The following RAD51B variants were observed in gnomAD, a reference collection of about 807,000 sequenced individuals.
RAD51B encodes DNA repair protein RAD51 homolog 2.
In RAD51B, 38 loss-of-function variants were observed where a neutral mutation model predicts 42.2. The observed-to-expected ratio is 0.90, with a 90% CI of 0.70 to 1.18. The LOEUF (loss-of-function observed/expected upper bound fraction) is 1.18, where lower values mean the gene tolerates loss of function less well. Among genes scored for constraint, RAD51B ranks in the 50% most tolerant of loss-of-function variants. RAD51B has a pLI of 0.00. For missense variants in RAD51B, 373 were observed against 400.7 expected, an observed-to-expected ratio of 0.93 and a Z score of 0.59; for synonymous variants, 154 against 145.2, an observed-to-expected ratio of 1.06 and a Z score of -0.43.
rs1489695279 is a variant in RAD51B at position 68,078,023 on chromosome 14, G to A, written c.756+190819G>A. Among the ~76,000 whole-genome samples, 3 of 152,300 alleles carry A rather than the reference G, an allele frequency of 2.0e-5. No homozygotes were observed. In the East Asian group the frequency reaches 5.8e-4, roughly 29 times the overall value. ...ATAAGGTGGAAGGTAAACATTTTAA[G>A]TGTCTGTGAGCTACCTAGTATTCTA... On this transcript the variant is annotated intron_variant, in intron 7 of 10. Coordinates refer to ENST00000471583, the MANE Select transcript of RAD51B (RefSeq NM_133510.4).
At chr14:68,553,542 A>G (rs2140387989) in intron 10 of RAD51B, among the ~76,000 whole-genome samples, 1 of 152,012 alleles carries the variant, frequency 6.6e-6, no homozygotes, top group African/African-American at 2.4e-5. Flanking sequence ...GGGAGGGTGG[A>G]GTTGGTTTGG....
chr14:68,431,549 A>C (rs1161900095), intron 9 of RAD51B, among the ~76,000 whole-genome samples: 1 of 152,146 alleles, frequency 6.6e-6, no homozygotes, highest in Non-Finnish European at 1.5e-5. Context: ...AGAGGTGTTT[A>C]TAGTATTCTC....
chr14:68,155,802 T>C (rs1566688436), intron 7 of RAD51B, among the ~76,000 whole-genome samples: 1 of 152,214 alleles, frequency 6.6e-6, no homozygotes, highest in Admixed American at 6.5e-5. Flanking sequence ...GGATGCAATA[T>C]ACAAAGGTTT....
At chr14:67,900,626 C>CAT (rs2043579935) in intron 7 of RAD51B, among the ~76,000 whole-genome samples, 2 of 114,298 alleles carry the variant, frequency 1.7e-5, no homozygotes, top group Non-Finnish European at 3.6e-5. Context: ...GTGTGTGTGT[C>CAT]ATACACACAC....
chr14:68,444,985 G>T (rs2085389882), intron 9 of RAD51B, among the ~76,000 whole-genome samples: 1 of 152,184 alleles, frequency 6.6e-6, no homozygotes, highest in Admixed American at 6.5e-5. Flanking sequence ...AAGCAGCTGT[G>T]TGGGTCCTCG....
chr14:68,207,013 ATC>A (rs1286012833), intron 7 of RAD51B, among the ~76,000 whole-genome samples: 1 of 151,838 alleles, frequency 6.6e-6, no homozygotes, highest in African/African-American at 2.4e-5. Flanking sequence ...GATAGTCTCG[ATC>A]TCCTGACCTC....
intron 4 of RAD51B, among the ~76,000 whole-genome samples, chr14:67,840,806 CT>C (rs139189527): frequency 0.35 from 50,373 of 144,958 alleles, 8,545 homozygotes; most frequent in Middle Eastern, 0.46. Context: ...TATTTTTTGA[CT>C]TTTTTTTTTT....
chr14:68,656,794 C>T (rs897998307), intron 11 of RAD51B, among the ~76,000 whole-genome samples: 4 of 152,166 alleles, frequency 2.6e-5, no homozygotes, highest in African/African-American at 4.8e-5. Context: ...CAGAGAGGAC[C>T]GGGCTGAGCT....
At chr14:68,472,114 G>A (rs1308550243) in intron 10 of RAD51B, 2 of 152,458 alleles carry the variant, frequency 1.3e-5, no homozygotes, top group African/African-American at 4.8e-5. Context: ...GGGGCCTAGT[G>A]GAGAGGTAAG....
At chr14:68,541,081 G>A in intron 10 of RAD51B, 1 of 985,366 alleles carries the variant, frequency 1.0e-6, no homozygotes, top group Non-Finnish European at 1.2e-6. Flanking sequence ...CATTCATGGA[G>A]CACAGAGAAG....
chr14:68,599,808 T>C (rs1341317276), downstream of RAD51B, among the ~76,000 whole-genome samples: 1 of 152,232 alleles, frequency 6.6e-6, no homozygotes, highest in Admixed American at 6.5e-5. Flanking sequence ...ACAGAAATTC[T>C]GTGAAAGTCT....
intron 7 of RAD51B, among the ~76,000 whole-genome samples, chr14:68,140,361 G>A (rs2078102037): frequency 1.3e-5 from 2 of 152,148 alleles, no homozygotes; most frequent in South Asian, 4.1e-4. Context: ...TGAACGTTTG[G>A]AAAAGGGAGT....
At chr14:68,561,964 A>G (rs1288111712) in intron 10 of RAD51B, 1 of 985,334 alleles carries the variant, frequency 1.0e-6, no homozygotes, top group Non-Finnish European at 1.2e-6. Context: ...TCCTTGTGGC[A>G]GCAATGTACA....
intron 10 of RAD51B, among the ~76,000 whole-genome samples, chr14:68,474,584 T>G (rs1057061876): frequency 6.6e-6 from 1 of 152,122 alleles, no homozygotes; most frequent in Non-Finnish European, 1.5e-5. Flanking sequence ...CAAAATTGGG[T>G]TTGTAGCCAT....
At position 68,204,539 on chromosome 14, in the gene RAD51B, A is replaced by G. The variant is rs561368138; in HGVS notation, c.757-87345A>G. 8.5e-4 allele frequency among the ~76,000 whole-genome samples: 130 copies of G among 152,346 alleles called. 2 individuals carry two copies. The South Asian group carries it at 0.025, about 30-fold the overall frequency. Reference sequence around the variant, plus strand: ...ACAGAGACATGCATGAGCACATGCTATTGGAAAAATGGCACTAATAGACTT... The same window carrying G: ...ACAGAGACATGCATGAGCACATGCTGTTGGAAAAATGGCACTAATAGACTT... On this transcript the variant is annotated intron_variant, in intron 7 of 10. Coordinates refer to ENST00000471583, the MANE Select transcript of RAD51B (RefSeq NM_133510.4).
chr14:67,964,609 G>T (rs1158702060), intron 7 of RAD51B, among the ~76,000 whole-genome samples: 2 of 152,102 alleles, frequency 1.3e-5, no homozygotes, highest in East Asian at 3.8e-4. Context: ...CAGCAGTGAG[G>T]TTTTTTCTTT....
intron 7 of RAD51B, among the ~76,000 whole-genome samples, chr14:67,986,142 C>A (rs1182004165): frequency 6.6e-6 from 1 of 152,136 alleles, no homozygotes; most frequent in East Asian, 1.9e-4. Flanking sequence ...ATTGTAAATT[C>A]CTTATAGACA....
chr14:68,452,424 G>A (rs1318269346), intron 9 of RAD51B, among the ~76,000 whole-genome samples: 1 of 152,180 alleles, frequency 6.6e-6, no homozygotes, highest in Admixed American at 6.5e-5. Context: ...GTATTTGATG[G>A]CGATGAGCTT....
intron 7 of RAD51B, among the ~76,000 whole-genome samples, chr14:68,086,365 G>C (rs1048885949): frequency 6.6e-6 from 1 of 152,126 alleles, no homozygotes; most frequent in South Asian, 2.1e-4. Flanking sequence ...CCATGTGTCC[G>C]CCTGCTAGGG....
Sources: gnomAD v4.1 joint callset for allele counts (sites outside exome capture counted in the v4.1 genomes callset) on GRCh38, gnomAD v4.1.1 for gene constraint, MANE v1.5 for transcripts, NCBI Gene and HGNC (gene_info 2026-07-23, HGNC 2026-07-21) for gene names.